The following KANK1 variants were observed in gnomAD, a reference collection of about 807,000 sequenced individuals.
KANK1 encodes the protein KN motif and ankyrin repeat domains 1.
A neutral mutation model predicts 106.2 loss-of-function variants in KANK1; 109 were observed. The observed-to-expected ratio is 1.03, with a 90% CI of 0.88 to 1.20. The LOEUF (loss-of-function observed/expected upper bound fraction) is 1.20. Ranked by LOEUF, KANK1 falls within the 50% of genes most tolerant of loss-of-function variation. The pLI is 0.00. For missense variants in KANK1, 2,399 were observed against 1,710.7 expected (o/e 1.40, Z -7.10); for synonymous variants, 873 against 652.2 (o/e 1.34, Z -5.16).
intron 3 of KANK1, among the ~76,000 whole-genome samples, chr9:499,589 T>A (rs987157097): frequency 2.7e-4 from 41 of 152,172 alleles, no homozygotes; most frequent in African/African-American, 8.9e-4. Flanking sequence ...ATCTTTTACC[T>A]TGTACTTGAA....
intron 1 of KANK1, among the ~76,000 whole-genome samples, chr9:563,011 T>G (rs1816886785): frequency 6.6e-6 from 1 of 152,170 alleles, no homozygotes; most frequent in African/African-American, 2.4e-5. Context: ...GATCCATCAA[T>G]TCTCAAATCA....
In KANK1 at chr9:576,616, T is replaced by A. The variant is rs141741778; in HGVS notation, c.-84+71862T>A. 2.9e-3 allele frequency among the ~76,000 whole-genome samples: 448 copies of A among 152,292 alleles called. 1 individual carries two copies. The highest frequency in any genetic ancestry group is 4.8e-3 in the Non-Finnish European group (328 of 68,030). ...CACTGGCAATCACGGAGACTTGACATTGTTTCATTTAGGGGACTGTACATT... is the reference window on the plus strand; with the variant it reads ...CACTGGCAATCACGGAGACTTGACAATGTTTCATTTAGGGGACTGTACATT... On this transcript the variant is annotated intron_variant, in intron 1 of 11. Coordinates refer to ENST00000382297, the MANE Select transcript of KANK1 (RefSeq NM_015158.5).
chr9:554,368 C>G (rs58774558), intron 1 of KANK1, among the ~76,000 whole-genome samples: 17,041 of 152,172 alleles, frequency 0.11, 1,723 homozygotes, highest in African/African-American at 0.28. Context: ...TGCCTTTCCT[C>G]TCCCTTTTTG....
rs767699990 is a variant in KANK1 at position 712,905 on chromosome 9, G to T, written c.2139G>T (p.Glu713Asp). ...LDKQTSTQTV[E>D]TRTVAVGEGR... ...AGCAGACCAGCACCCAGACTGTGGA[G>T]ACGCGGACAGTAGCTGTAGGAGAAG... Residue 713 changes from glutamate (E) to aspartate (D), a missense_variant, in exon 3 of 12, where the codon GAG (glutamate) becomes GAT (aspartate). Physicochemically the swap from Glu to Asp is conservative, Grantham distance 45. Coordinates refer to ENST00000382297, the MANE Select transcript of KANK1 (RefSeq NM_015158.5). 1 of 1,614,108 alleles carries T rather than the reference G, an allele frequency of 6.2e-7. No individual in the cohort carries two copies. Among genetic ancestry groups the T allele is most frequent in the Non-Finnish European group, 8.5e-7 (1 of 1,180,036 alleles).
chr9:719,817 C>A (rs1224648087), intron 3 of KANK1, among the ~76,000 whole-genome samples: 3 of 152,072 alleles, frequency 2.0e-5, no homozygotes, highest in Admixed American at 6.5e-5. Context: ...ATGATCCGGG[C>A]TCACGCCACT....
chr9:670,756 C>G lies in KANK1; in HGVS notation c.-83-6134C>G, dbSNP rs1029101539. Among the ~76,000 whole-genome samples, 8 of 152,130 alleles carry G rather than the reference C, an allele frequency of 5.3e-5. No individual in the cohort carries two copies. In the East Asian group the frequency reaches 5.8e-4, roughly 11 times the overall value. On this transcript the variant is annotated intron_variant, in intron 1 of 11. Coordinates refer to ENST00000382297, the MANE Select transcript of KANK1 (RefSeq NM_015158.5). ...CTCCCTTCAGGCACTCCTGATGCTTCTCATGGGTTGAGGCATGGATAGGTC... is the reference window on the plus strand; with the variant it reads ...CTCCCTTCAGGCACTCCTGATGCTTGTCATGGGTTGAGGCATGGATAGGTC...
At position 559,035 on chromosome 9, in the gene KANK1, A is replaced by T. The variant is rs190266785; in HGVS notation, c.-84+54281A>T. The T allele has an allele frequency of 5.9e-5, 9 of 152,314 alleles. No individual in the cohort carries two copies. In the East Asian group the frequency reaches 1.5e-3, roughly 26 times the overall value. The allele number at this position is 152,314 out of a possible 1,614,324, so 9.4% of individuals were successfully genotyped here. ...TAGTAGATGAATTTGCAAATGTGGA[A>T]TCCGTGAATAATAAGGATGTACTGT... On this transcript the variant is annotated intron_variant, in intron 1 of 11. Coordinates refer to ENST00000382297, the MANE Select transcript of KANK1 (RefSeq NM_015158.5).
intron 1 of KANK1, among the ~76,000 whole-genome samples, chr9:582,159 C>G (rs1350261014): frequency 6.6e-6 from 1 of 152,130 alleles, no homozygotes; most frequent in African/African-American, 2.4e-5. Flanking sequence ...TCTCCTGTGG[C>G]CAGTTCCCCA....
chr9:592,966 C>G (rs993481446), intron 1 of KANK1, among the ~76,000 whole-genome samples: 2 of 151,972 alleles, frequency 1.3e-5, no homozygotes, highest in African/African-American at 2.4e-5. Context: ...GAAAGATGAT[C>G]TTGGCGTCAC....
At chr9:610,051 A>G (rs1830210837) in intron 1 of KANK1, among the ~76,000 whole-genome samples, 1 of 152,166 alleles carries the variant, frequency 6.6e-6, no homozygotes. Flanking sequence ...ATGTACAATA[A>G]TTTATAAAAC....
chr9:720,297 C>A (rs181698419), intron 3 of KANK1, among the ~76,000 whole-genome samples: 1 of 152,204 alleles, frequency 6.6e-6, no homozygotes, highest in Non-Finnish European at 1.5e-5. Context: ...AGCATCTAGA[C>A]CAGAGTGCCA....
chr9:567,928 C>T (rs1337276102), intron 1 of KANK1, among the ~76,000 whole-genome samples: 2 of 151,870 alleles, frequency 1.3e-5, no homozygotes, highest in Admixed American at 6.5e-5. Context: ...TCCAAAGTCA[C>T]CAGCATGGAC....
chr9:491,199 A>T (rs2058372247), intron 3 of KANK1, among the ~76,000 whole-genome samples: 1 of 151,888 alleles, frequency 6.6e-6, no homozygotes, highest in Non-Finnish European at 1.5e-5. Context: ...GGGCTCAAGT[A>T]ATCCTCCTAC....
intron 1 of KANK1, among the ~76,000 whole-genome samples, chr9:663,841 G>C (rs76603512): frequency 0.025 from 3,736 of 152,176 alleles, 164 homozygotes; most frequent in African/African-American, 0.086. Flanking sequence ...AGATACTGAT[G>C]TTTACTTTCA....
In KANK1 at chr9:494,897, A is replaced by G. The variant is rs116945478; in HGVS notation, c.-362+21624A>G. 2.2e-4 allele frequency among the ~76,000 whole-genome samples: 34 copies of G among 152,360 alleles called. No individual in the cohort carries two copies. In the East Asian group the frequency reaches 5.8e-3, roughly 26 times the overall value. On this transcript the variant is annotated intron_variant, in intron 3 of 15. Transcript: ENST00000382303. Reference sequence around the variant, plus strand: ...TAAATAGATCAGCTCTCTTAGATACATAAAACACAGATAACACAGAAGGGG... The same window carrying G: ...TAAATAGATCAGCTCTCTTAGATACGTAAAACACAGATAACACAGAAGGGG...
intron 3 of KANK1, among the ~76,000 whole-genome samples, chr9:490,678 A>G (rs2058363459): frequency 6.6e-6 from 1 of 152,016 alleles, no homozygotes; most frequent in South Asian, 2.1e-4. Context: ...CAACTGAGCA[A>G]CTCTGATATT....
chr9:741,368 G>C (rs1047811385), intron 9 of KANK1, among the ~76,000 whole-genome samples: 2 of 151,630 alleles, frequency 1.3e-5, no homozygotes, highest in Non-Finnish European at 2.9e-5. Context: ...CCCCCAGGCT[G>C]GAGTGCAGTG....
intron 1 of KANK1, among the ~76,000 whole-genome samples, chr9:584,583 A>G (rs926631829): frequency 1.3e-5 from 2 of 152,244 alleles, no homozygotes; most frequent in Non-Finnish European, 2.9e-5. Context: ...ATAAGTAACT[A>G]TCATTTACCT....
rs993644231 is a variant in KANK1, at chr9:527,450, C to T, written c.-84+22696C>T. ...TCAAGTAGCTGGGATTACAGGCAGGCGCCAACACACCCAGCTAATTATGTA... is the reference window on the plus strand; with the variant it reads ...TCAAGTAGCTGGGATTACAGGCAGGTGCCAACACACCCAGCTAATTATGTA... On this transcript the variant is annotated intron_variant, in intron 1 of 11. Transcript: ENST00000382297. Among the ~76,000 whole-genome samples, 7 of 151,684 alleles carry T rather than the reference C, an allele frequency of 4.6e-5. No homozygotes were observed. In the South Asian group the frequency reaches 6.2e-4, roughly 13 times the overall value.
Sources: allele counts gnomAD v4.1 joint callset (sites outside exome capture counted in the v4.1 genomes callset), GRCh38; gene constraint gnomAD v4.1.1; transcripts MANE v1.5; gene names NCBI Gene and HGNC (gene_info 2026-07-23, HGNC 2026-07-21).